The following PUDP variants were observed in gnomAD, a reference collection of about 807,000 sequenced individuals.
PUDP encodes the protein pseudouridine-5'-phosphatase.
Under a neutral mutation model 9.4 loss-of-function variants are expected in PUDP, and 8 were observed. The observed-to-expected ratio is 0.85, with a 90% CI of 0.50 to 1.53. The LOEUF is 1.53. PUDP is among the 40% of genes most tolerant of loss of function. The pLI is 0.00. For synonymous variants in PUDP, 99 were observed against 80.7 expected, an observed-to-expected ratio of 1.23 and a Z score of -1.22; for missense variants, 188 against 189.7, an observed-to-expected ratio of 0.99 and a Z score of 0.05.
intron 3 of PUDP, among the ~76,000 whole-genome samples, chrX:6,899,119 G>A (rs1927635837): frequency 8.9e-6 from 1 of 112,388 alleles, no homozygotes; most frequent in African/African-American, 3.2e-5. Context: ...ACAGGCTACT[G>A]TCATATTTAT....
At chrX:6,966,253 T>G (rs1276286080) in intron 3 of PUDP, among the ~76,000 whole-genome samples, 1 of 105,138 alleles carries the variant, frequency 9.5e-6, no homozygotes, top group East Asian at 3.0e-4. Context: ...TTGTTCAATT[T>G]TGCTTGCTGT....
At chrX:6,959,819 A>G (rs1033163803) in intron 3 of PUDP, among the ~76,000 whole-genome samples, 4 of 112,731 alleles carry the variant, frequency 3.5e-5, no homozygotes, top group African/African-American at 1.3e-4. Context: ...TACAAGGTGG[A>G]ATATAGAGTC....
intron 1 of PUDP, among the ~76,000 whole-genome samples, chrX:6,720,169 T>C (rs1193187554): frequency 9.8e-6 from 1 of 101,874 alleles, no homozygotes; most frequent in African/African-American, 3.6e-5. Context: ...TATATGTGTA[T>C]ATATATGTGT....
At chrX:6,919,739 G>A (rs1226934108) in intron 3 of PUDP, among the ~76,000 whole-genome samples, 9 of 106,318 alleles carry the variant, frequency 8.5e-5, no homozygotes, top group Non-Finnish European at 1.4e-4. Flanking sequence ...AAATACAAAA[G>A]TTAGCCGGGC....
intron 3 of PUDP, among the ~76,000 whole-genome samples, chrX:6,746,337 C>G (rs1258677823): frequency 8.9e-6 from 1 of 112,104 alleles, no homozygotes; most frequent in Non-Finnish European, 1.9e-5. Flanking sequence ...TTTCTATCTC[C>G]CCTTTGAGAC....
At chrX:7,072,321 G>A (rs923473730) in intron 3 of PUDP, among the ~76,000 whole-genome samples, 4 of 111,849 alleles carry the variant, frequency 3.6e-5, no homozygotes, top group South Asian at 3.7e-4. Flanking sequence ...GACAGATACC[G>A]AATATACACA....
intron 1 of PUDP, among the ~76,000 whole-genome samples, chrX:7,014,791 CAG>C (rs1181557453): frequency 1.8e-5 from 2 of 111,787 alleles, no homozygotes; most frequent in Non-Finnish European, 3.8e-5. Context: ...TGAAGCACAA[CAG>C]AGGAGTATTT....
At chrX:6,834,696 AAATC>A (rs1412103668) in intron 3 of PUDP, among the ~76,000 whole-genome samples, 3 of 111,523 alleles carry the variant, frequency 2.7e-5, no homozygotes, top group Non-Finnish European at 5.6e-5. Context: ...ATAATAACAG[AAATC>A]AATTGACTCA....
chrX:6,778,003 C>T (rs776398740), intron 3 of PUDP, among the ~76,000 whole-genome samples: 1 of 111,707 alleles, frequency 9.0e-6, no homozygotes, highest in Non-Finnish European at 1.9e-5. Flanking sequence ...CCTGTCCCCC[C>T]GCCACGAACC....
At chrX:6,752,037 G>T (rs1925098163) in intron 3 of PUDP, among the ~76,000 whole-genome samples, 1 of 111,005 alleles carries the variant, frequency 9.0e-6, no homozygotes, top group South Asian at 3.9e-4. Flanking sequence ...TCCCTAGCAG[G>T]CAGGTGGTGC....
intron 3 of PUDP, among the ~76,000 whole-genome samples, chrX:6,843,783 T>C (rs1366972099): frequency 2.7e-5 from 3 of 112,433 alleles, no homozygotes; most frequent in Non-Finnish European, 5.6e-5. Flanking sequence ...TAACTAACCA[T>C]CAGTGCAGTC....
Position 7,050,023 on chromosome X carries a change from C to T in PUDP, c.*273G>A, listed in dbSNP as rs1440064980. 12 of 336,842 alleles carry T rather than the reference C, an allele frequency of 3.6e-5. No individual in the cohort carries two copies. Among genetic ancestry groups the T allele is most frequent in the Non-Finnish European group, 2.1e-5 (4 of 193,410 alleles). 27.8% of individuals were successfully genotyped at this position (336,842 alleles called of 1,213,427 possible). A position where few individuals can be genotyped will look rare whatever the true frequency, so the allele number is the denominator to read the frequency against. On this transcript the variant is annotated 3_prime_UTR_variant, in exon 4 of 4. Transcript: ENST00000381077. ...ACATGTACATTCACTTTATCACATA[C>T]TCCATCAGCTTGACTTCTGAGATGG... is the stretch of plus-strand genomic sequence containing the variant.
intron 1 of PUDP, among the ~76,000 whole-genome samples, chrX:7,001,641 G>T (rs770929042): frequency 9.0e-6 from 1 of 111,507 alleles, no homozygotes; most frequent in Non-Finnish European, 1.9e-5. Context: ...CCAGTGAAAA[G>T]AATCGAGATC....
chrX:7,085,452 C>T (rs1485206805), intron 2 of PUDP: 1 of 111,984 alleles, frequency 8.9e-6, no homozygotes, highest in African/African-American at 3.3e-5. Flanking sequence ...GAAGCTGTTG[C>T]TGTGTGAAGA....
chrX:7,142,933 G>A (rs1309583015), intron 1 of PUDP, among the ~76,000 whole-genome samples: 1 of 111,249 alleles, frequency 9.0e-6, no homozygotes, highest in African/African-American at 3.3e-5. Context: ...TTATAGGCAT[G>A]AGCCACCATG....
At chrX:6,755,437 G>A (rs865821199) in intron 3 of PUDP, among the ~76,000 whole-genome samples, 1 of 111,310 alleles carries the variant, frequency 9.0e-6, no homozygotes. Flanking sequence ...CAGGTACTAG[G>A]GAAACAGAGA....
intron 3 of PUDP, among the ~76,000 whole-genome samples, chrX:6,819,589 C>G (rs1926305329): frequency 8.9e-6 from 1 of 112,711 alleles, no homozygotes; most frequent in African/African-American, 3.2e-5. Context: ...CGGATTCACT[C>G]AAAATCATAT....
At chrX:6,810,121 T>C (rs926370471) in intron 3 of PUDP, among the ~76,000 whole-genome samples, 1 of 109,923 alleles carries the variant, frequency 9.1e-6, no homozygotes, top group African/African-American at 3.3e-5. Flanking sequence ...TCAGAAAATG[T>C]TCCTAAGAGA....
At chrX:6,751,676 A>G (rs1332187668) in intron 3 of PUDP, among the ~76,000 whole-genome samples, 1 of 111,810 alleles carries the variant, frequency 8.9e-6, no homozygotes, top group South Asian at 3.8e-4. Context: ...CGTCAGAAAT[A>G]TAAAACTCAT....
Sources: gnomAD v4.1 joint callset for allele counts (sites outside exome capture counted in the v4.1 genomes callset) on GRCh38, gnomAD v4.1.1 for gene constraint, MANE v1.5 for transcripts, NCBI Gene and HGNC (gene_info 2026-07-23, HGNC 2026-07-21) for gene names.